The following CAB39L variants were observed in gnomAD, a reference collection of about 807,000 sequenced individuals.
CAB39L encodes calcium-binding protein 39-like.
Under a neutral mutation model 39.1 loss-of-function variants are expected in CAB39L, and 23 were observed. The observed-to-expected ratio is 0.59, with a 90% CI of 0.42 to 0.83. The LOEUF (loss-of-function observed/expected upper bound fraction) is 0.83, where lower values mean the gene tolerates loss of function less well. Among genes scored for constraint, CAB39L ranks in the 40% least tolerant of loss-of-function variants. CAB39L has a pLI of 0.00. For missense variants in CAB39L, 366 were observed against 391.9 expected (o/e 0.93, Z 0.56); for synonymous variants, 126 against 137.2 (o/e 0.92, Z 0.57).
intron 3 of CAB39L, among the ~76,000 whole-genome samples, chr13:49,421,549 C>T (rs1957171318): frequency 6.6e-6 from 1 of 152,140 alleles, no homozygotes; most frequent in South Asian, 2.1e-4. Context: ...GCTCCTCCCC[C>T]GACTGCAGGA....
At chr13:49,423,713 G>C (rs982527444) in intron 3 of CAB39L, among the ~76,000 whole-genome samples, 2 of 152,142 alleles carry the variant, frequency 1.3e-5, no homozygotes, top group Non-Finnish European at 1.5e-5. Context: ...CCTTATTAAT[G>C]CATTTATTCA....
intron 3 of CAB39L, among the ~76,000 whole-genome samples, chr13:49,407,904 C>G (rs542945678): frequency 1.7e-4 from 26 of 149,124 alleles, no homozygotes; most frequent in African/African-American, 6.4e-4. Flanking sequence ...TTTAGTATGC[C>G]AGAAGCAAAT....
chr13:49,321,659 GTTC>G (rs1954346710), intron 10 of CAB39L, among the ~76,000 whole-genome samples: 1 of 152,118 alleles, frequency 6.6e-6, no homozygotes, highest in South Asian at 2.1e-4. Context: ...TCGTTCAAAT[GTTC>G]TTAACTACTT....
intron 3 of CAB39L, among the ~76,000 whole-genome samples, chr13:49,425,779 G>A (rs1218949248): frequency 6.6e-6 from 1 of 152,144 alleles, no homozygotes; most frequent in Non-Finnish European, 1.5e-5. Flanking sequence ...GGGAAATGTT[G>A]GAAATCTGGA....
chr13:49,428,594 C>T (rs952217702), intron 3 of CAB39L, among the ~76,000 whole-genome samples: 42 of 152,034 alleles, frequency 2.8e-4, no homozygotes, highest in South Asian at 2.1e-4. Context: ...ATTTACAACA[C>T]CCAAATAAGG....
intron 5 of CAB39L, among the ~76,000 whole-genome samples, chr13:49,368,270 G>C (rs1955823430): frequency 6.6e-6 from 1 of 152,192 alleles, no homozygotes; most frequent in South Asian, 2.1e-4. Flanking sequence ...TGTGTGCAAA[G>C]GCAAAGGAAG....
chr13:49,381,516 C>T (rs1415225768), intron 4 of CAB39L, among the ~76,000 whole-genome samples: 1 of 152,134 alleles, frequency 6.6e-6, no homozygotes, highest in Non-Finnish European at 1.5e-5. Flanking sequence ...ACAAACATGT[C>T]TTTACATTTC....
rs111664849 is a variant in CAB39L at position 49,376,891 on chromosome 13, GTAGATAGA to G, written c.276+68_276+75del. 1.9e-4 allele frequency: 147 copies of G among 787,366 alleles called. 1 individual carries two copies. Among genetic ancestry groups the G allele is most frequent in the Admixed American group, 4.6e-4 (18 of 38,812 alleles). The allele number at this position is 787,366 out of a possible 1,614,324, so 48.8% of individuals were successfully genotyped here. On this transcript the variant is annotated intron_variant, in intron 5 of 10. Coordinates refer to ENST00000409308, the MANE Select transcript of CAB39L (RefSeq NM_001079670.3). ...CATAATGAAAAGCAAAAGTTGAATAGTAGATAGATAGATAGATAGATAGATAGATATTA... is the reference window on the plus strand; with the variant it reads ...CATAATGAAAAGCAAAAGTTGAATAGTAGATAGATAGATAGATAGATATTA...
chr13:49,337,630 C>CAA (rs1954882380), intron 9 of CAB39L, among the ~76,000 whole-genome samples: 1 of 152,034 alleles, frequency 6.6e-6, no homozygotes, highest in African/African-American at 2.4e-5. Flanking sequence ...CACATACACA[C>CAA]AAAAACACCC....
At chr13:49,379,820 C>T (rs1351855202) in intron 4 of CAB39L, among the ~76,000 whole-genome samples, 3 of 150,280 alleles carry the variant, frequency 2.0e-5, no homozygotes, top group South Asian at 2.1e-4. Flanking sequence ...GGTATTTCTA[C>T]TTAGTCAACA....
Position 49,406,333 on chromosome 13 carries a change from A to ATTT in CAB39L, c.-31-23395_-31-23393dup, listed in dbSNP as rs34078174. ...CAGGCATCCGCCACCATGCCCAGCT[A>ATTT]TTTTTTTTTTTTTTTTTTTTGTATT... On this transcript the variant is annotated intron_variant, in intron 3 of 10. Transcript: ENST00000409308. 3.8e-3 allele frequency among the ~76,000 whole-genome samples: 341 copies of ATTT among 90,562 alleles called. 8 individuals are homozygous for ATTT. The highest frequency in any genetic ancestry group is 0.02 in the East Asian group (73 of 3,618). The allele number at this position is 90,562 out of a possible 152,430, so 59.4% of individuals were successfully genotyped here. A position where few individuals can be genotyped will look rare whatever the true frequency, so the allele number is the denominator to read the frequency against.
intron 3 of CAB39L, among the ~76,000 whole-genome samples, chr13:49,386,044 A>G (rs1371069285): frequency 6.6e-6 from 1 of 152,222 alleles, no homozygotes; most frequent in African/African-American, 2.4e-5. Flanking sequence ...GGTGAAACAC[A>G]ATAAAATACG....
chr13:49,421,079 G>T (rs1424622646), intron 3 of CAB39L, among the ~76,000 whole-genome samples: 1 of 152,148 alleles, frequency 6.6e-6, no homozygotes, highest in African/African-American at 2.4e-5. Flanking sequence ...TCAGGACCCA[G>T]GAGAAAACAT....
intron 3 of CAB39L, among the ~76,000 whole-genome samples, chr13:49,406,339 T>A (rs974459331): frequency 3.4e-5 from 5 of 147,694 alleles, no homozygotes; most frequent in African/African-American, 1.0e-4. Flanking sequence ...AGCTATTTTT[T>A]TTTTTTTTTT....
At chr13:49,390,790 G>A (rs1232623065) in intron 3 of CAB39L, among the ~76,000 whole-genome samples, 1 of 152,042 alleles carries the variant, frequency 6.6e-6, no homozygotes, top group Non-Finnish European at 1.5e-5. Flanking sequence ...ACCAAGCCAT[G>A]GAAATCTGGA....
intron 10 of CAB39L, among the ~76,000 whole-genome samples, chr13:49,316,033 A>G (rs1954149393): frequency 1.3e-5 from 2 of 152,238 alleles, no homozygotes; most frequent in Admixed American, 1.3e-4. Flanking sequence ...GATAAACAAA[A>G]CGGAGAACAG....
chr13:49,330,531 G>A (rs150298082), intron 10 of CAB39L, among the ~76,000 whole-genome samples: 6 of 152,108 alleles, frequency 3.9e-5, no homozygotes, highest in African/African-American at 1.2e-4. Context: ...AGGCTGAGGT[G>A]GGAGAATTGC....
chr13:49,431,218 A>AC (rs1957317179), intron 3 of CAB39L, among the ~76,000 whole-genome samples: 2 of 151,866 alleles, frequency 1.3e-5, no homozygotes, highest in African/African-American at 4.8e-5. Context: ...CAGCACTTAT[A>AC]TTTTTCAGAA....
At chr13:49,322,031 T>C (rs1954360744) in intron 10 of CAB39L, among the ~76,000 whole-genome samples, 1 of 152,226 alleles carries the variant, frequency 6.6e-6, no homozygotes, top group Non-Finnish European at 1.5e-5. Flanking sequence ...TAAAGTATAC[T>C]TTTTAATGTT....
Sources: gnomAD v4.1 joint callset for allele counts (sites outside exome capture counted in the v4.1 genomes callset) on GRCh38, gnomAD v4.1.1 for gene constraint, MANE v1.5 for transcripts, NCBI Gene and HGNC (gene_info 2026-07-23, HGNC 2026-07-21) for gene names.